The following MAP7D2 variants were observed in gnomAD, a reference collection of about 807,000 sequenced individuals.
The protein encoded by MAP7D2 is MAP7 domain-containing protein 2.
Under a neutral mutation model 63.5 loss-of-function variants are expected in MAP7D2, and 33 were observed. That is an observed-to-expected ratio of 0.52 (90% CI 0.39 to 0.70). The LOEUF is 0.70. Among genes scored for constraint, MAP7D2 ranks in the 30% least tolerant of loss-of-function variants. MAP7D2 has a pLI of 0.00. For synonymous variants in MAP7D2, 224 were observed against 223.7 expected, an observed-to-expected ratio of 1.00 and a Z score of -0.01; for missense variants, 626 against 604.0, an observed-to-expected ratio of 1.04 and a Z score of -0.38.
chrX:20,013,073 C>A lies in MAP7D2; in HGVS notation c.1866G>T (p.Leu622=). 1 of 1,210,726 alleles carries A rather than the reference C, an allele frequency of 8.3e-7. No homozygotes were observed. Residue 622 remains leucine, a synonymous_variant, in exon 14 of 17, where the codon CTG becomes CTT. Coordinates refer to ENST00000379643, the MANE Select transcript of MAP7D2 (RefSeq NM_001168465.2). ...ACTCACCCATTTTGTTGGGGACAAC[C>A]AGTTTTGTCTTCTTTTCCACACACA... The part of the protein sequence containing the change: ...PAVCVEKKTK[L]VVPNKMEING...
intron 1 of MAP7D2, among the ~76,000 whole-genome samples, chrX:20,101,726 A>G (rs1201157618): frequency 1.8e-5 from 2 of 112,655 alleles, no homozygotes; most frequent in African/African-American, 6.4e-5. Context: ...ATAAAAAGAA[A>G]TGAACCACTG....
chrX:20,069,569 T>G (rs962611806), intron 1 of MAP7D2, among the ~76,000 whole-genome samples: 1 of 108,646 alleles, frequency 9.2e-6, no homozygotes, highest in Non-Finnish European at 1.9e-5. Flanking sequence ...TAAGAACTTA[T>G]GGAGAACAGA....
At chrX:20,093,490 C>G (rs1220764849) in intron 1 of MAP7D2, among the ~76,000 whole-genome samples, 1 of 110,618 alleles carries the variant, frequency 9.0e-6, no homozygotes, top group Non-Finnish European at 1.9e-5. Flanking sequence ...AACCCCGTCT[C>G]TACTAAAAAT....
At chrX:20,027,749 A>G (rs1283766700) in intron 8 of MAP7D2, among the ~76,000 whole-genome samples, 2 of 73,860 alleles carry the variant, frequency 2.7e-5, no homozygotes, top group African/African-American at 6.0e-5. Context: ...GGGAGAGAGA[A>G]GGCGGGGGGA....
chrX:20,097,720 G>A (rs1267161743), intron 1 of MAP7D2, among the ~76,000 whole-genome samples: 2 of 111,412 alleles, frequency 1.8e-5, no homozygotes, highest in East Asian at 2.8e-4. Flanking sequence ...ACTGAAGAAC[G>A]TGGCCAAAGA....
At chrX:20,108,142 T>C (rs1406496196) in intron 1 of MAP7D2, among the ~76,000 whole-genome samples, 2 of 111,453 alleles carry the variant, frequency 1.8e-5, no homozygotes, top group Admixed American at 9.6e-5. Context: ...CTAACCCTGA[T>C]GGGCTGTGGG....
intron 8 of MAP7D2, among the ~76,000 whole-genome samples, chrX:20,031,247 A>T (rs1330382270): frequency 2.7e-5 from 3 of 109,481 alleles, no homozygotes; most frequent in African/African-American, 1.0e-4. Flanking sequence ...CCGAGATTGC[A>T]CCACTGCACT....
At chrX:20,079,578 T>C (rs2065727253) in intron 1 of MAP7D2, among the ~76,000 whole-genome samples, 1 of 111,984 alleles carries the variant, frequency 8.9e-6, no homozygotes, top group Non-Finnish European at 1.9e-5. Context: ...TCTTCTTGGC[T>C]CCATCCATGT....
chrX:20,066,282 G>A (rs113493473), intron 1 of MAP7D2, among the ~76,000 whole-genome samples: 2,764 of 111,606 alleles, frequency 0.025, 96 homozygotes, highest in African/African-American at 0.086. Flanking sequence ...TCACAAGTTG[G>A]CATCATAGTG....
intron 8 of MAP7D2, among the ~76,000 whole-genome samples, chrX:20,042,152 T>C (rs978019323): frequency 1.8e-5 from 2 of 111,312 alleles, no homozygotes; most frequent in African/African-American, 6.5e-5. Flanking sequence ...TGGGGGAGAA[T>C]GTCAGGAGGA....
At chrX:20,022,691 G>A (rs1253780353) in intron 10 of MAP7D2, among the ~76,000 whole-genome samples, 1 of 111,745 alleles carries the variant, frequency 8.9e-6, no homozygotes, top group Non-Finnish European at 1.9e-5. Context: ...TGAGGAGATG[G>A]GAACACAGAG....
In MAP7D2 at chrX:20,099,553, T is replaced by C. The variant is rs771650823; in HGVS notation, c.130+17197A>G. 8.5e-4 allele frequency among the ~76,000 whole-genome samples: 95 copies of C among 111,973 alleles called. 1 individual carries two copies. Among genetic ancestry groups the C allele is most frequent in the African/African-American group, 3.0e-3 (92 of 30,822 alleles). On this transcript the variant is annotated intron_variant, in intron 1 of 16. Transcript: ENST00000379643. ...GCCCACCATCCTGTGTCCAGGGGCA[T>C]TGGAAATTCATCTCTACTCTGGCTT...
intron 1 of MAP7D2, among the ~76,000 whole-genome samples, chrX:20,094,080 C>T (rs1278091109): frequency 9.0e-6 from 1 of 110,945 alleles, no homozygotes; most frequent in African/African-American, 3.3e-5. Context: ...ATTCCTTGTT[C>T]CAAAGCAGAG....
intron 8 of MAP7D2, among the ~76,000 whole-genome samples, chrX:20,039,616 T>C (rs915197338): frequency 2.7e-5 from 3 of 111,210 alleles, no homozygotes; most frequent in Non-Finnish European, 5.7e-5. Context: ...TGTGAGGGTG[T>C]TGCCAAGAAG....
Position 20,081,140 on chromosome X carries a change from T to C in MAP7D2, c.131-16335A>G, listed in dbSNP as rs530627402. On this transcript the variant is annotated intron_variant, in intron 1 of 16. Transcript: ENST00000379643. Reference sequence around the variant, plus strand: ...ATGTACAAATATCTCTTTTAAACTGTGGACAGAACCCAGCAGGTAATGACT... The same window carrying C: ...ATGTACAAATATCTCTTTTAAACTGCGGACAGAACCCAGCAGGTAATGACT... Among the ~76,000 whole-genome samples the C allele has an allele frequency of 2.4e-3, 264 of 112,118 alleles. 1 individual carries two copies. The highest frequency in any genetic ancestry group is 0.014 in the Middle Eastern group (3 of 218).
At chrX:20,116,241 C>T in intron 1 of MAP7D2, among the ~76,000 whole-genome samples, 1 of 113,288 alleles carries the variant, frequency 8.8e-6, no homozygotes. Context: ...GCGAATCTGC[C>T]TCTGCCAATG....
chrX:20,046,437 C>A lies in MAP7D2; in HGVS notation c.719-1913G>T, dbSNP rs190765253. ...GACTCTTTCAGCCATCCCTGACAGA[C>A]TGAACTCCATTCCCTCTGGGGAAAG... On this transcript the variant is annotated intron_variant, in intron 6 of 16. Coordinates refer to ENST00000379643, the MANE Select transcript of MAP7D2 (RefSeq NM_001168465.2). 6.2e-5 allele frequency among the ~76,000 whole-genome samples: 7 copies of A among 113,031 alleles called. No homozygotes were observed. In the East Asian group the frequency reaches 1.9e-3, roughly 31 times the overall value.
chrX:20,013,685 A>C, intron 12 of MAP7D2, 60 bp from the exon 13 acceptor site: 1 of 838,107 alleles, frequency 1.2e-6, no homozygotes, highest in Non-Finnish European at 1.7e-6. Context: ...AAAAACATAA[A>C]AGTAGCTTGG....
chrX:20,060,416 AAGAGAGAG>A (rs201124124), intron 3 of MAP7D2, among the ~76,000 whole-genome samples: 7 of 85,945 alleles, frequency 8.1e-5, no homozygotes, highest in African/African-American at 1.4e-4. Flanking sequence ...AAGAAAAGAA[AAGAGAGAG>A]AGAGAGAGAG....
Sources: gnomAD v4.1 joint callset for allele counts (sites outside exome capture counted in the v4.1 genomes callset) on GRCh38, gnomAD v4.1.1 for gene constraint, MANE v1.5 for transcripts, NCBI Gene and HGNC (gene_info 2026-07-23, HGNC 2026-07-21) for gene names.